BANK1: variants seen among roughly 807,000 people sequenced by gnomAD.
BANK1 encodes the protein B-cell scaffold protein with ankyrin repeats.
A neutral mutation model predicts 94.5 loss-of-function variants in BANK1; 95 were observed. That is an observed-to-expected ratio of 1.00 (90% CI 0.85 to 1.19). The LOEUF is 1.19. BANK1 is among the 50% of genes most tolerant of loss of function. The probability of loss-of-function intolerance (pLI) is 0.00; values close to 1 mark genes in which losing one functional copy is unlikely to be tolerated. For synonymous variants in BANK1, 334 were observed against 308.4 expected, an observed-to-expected ratio of 1.08 and a Z score of -0.87; for missense variants, 987 against 932.2, an observed-to-expected ratio of 1.06 and a Z score of -0.77.
intron 1 of BANK1, among the ~76,000 whole-genome samples, chr4:101,808,734 C>G (rs1725644445): frequency 6.6e-6 from 1 of 151,730 alleles, no homozygotes; most frequent in South Asian, 2.1e-4. Context: ...TATAAATAGC[C>G]AACAAACATA....
intron 6 of BANK1, 32 bp from the exon 7 acceptor site, chr4:101,917,961 A>G (rs769335475): frequency 6.8e-7 from 1 of 1,463,158 alleles, no homozygotes; most frequent in Non-Finnish European, 9.3e-7. Context: ...TAAAATGAAA[A>G]CATTAAATCC....
intron 5 of BANK1, among the ~76,000 whole-genome samples, chr4:101,872,924 G>A (rs183657031): frequency 4.0e-5 from 6 of 151,416 alleles, no homozygotes; most frequent in Non-Finnish European, 8.8e-5. Context: ...GGAGGTAGAG[G>A]TTGCAATGAG....
chr4:101,830,546 C>T (rs1726577217), intron 2 of BANK1, among the ~76,000 whole-genome samples: 1 of 152,098 alleles, frequency 6.6e-6, no homozygotes, highest in Admixed American at 6.5e-5. Context: ...ACTGGTGAGG[C>T]ATGAGTTAAT....
chr4:101,853,936 A>G (rs974693863), intron 2 of BANK1, among the ~76,000 whole-genome samples: 1 of 152,116 alleles, frequency 6.6e-6, no homozygotes, highest in Non-Finnish European at 1.5e-5. Context: ...TTTTGTCTAG[A>G]TTCTGACATG....
chr4:101,807,349 G>A (rs1725589715), intron 1 of BANK1, among the ~76,000 whole-genome samples: 1 of 152,106 alleles, frequency 6.6e-6, no homozygotes, highest in African/African-American at 2.4e-5. Context: ...CATACAGATT[G>A]AAAATAAAAT....
Position 101,886,150 on chromosome 4 carries a change from G to C in BANK1, c.904-9155G>C, listed in dbSNP as rs889300840. ...TTTTATCTCCAGGACCAAGGGTACT[G>C]TAAGACACATGGCTGCTCAATAAAT... On this transcript the variant is annotated intron_variant, in intron 5 of 16. Coordinates refer to ENST00000322953, the MANE Select transcript of BANK1 (RefSeq NM_017935.5). Among the ~76,000 whole-genome samples, 3 of 152,222 alleles carry C rather than the reference G, an allele frequency of 2.0e-5. No individual in the cohort carries two copies. In the South Asian group the frequency reaches 6.2e-4, roughly 32 times the overall value.
chr4:101,852,503 TACAC>T (rs77031530), intron 2 of BANK1, among the ~76,000 whole-genome samples: 6,427 of 79,514 alleles, frequency 0.081, 208 homozygotes, highest in African/African-American at 0.1. Flanking sequence ...TATATATATA[TACAC>T]ACACACATAT....
At chr4:102,030,426 C>G (rs993951150) in intron 10 of BANK1, among the ~76,000 whole-genome samples, 161 bp downstream of exon 10, 3 of 151,590 alleles carry the variant, frequency 2.0e-5, no homozygotes, top group Admixed American at 2.0e-4. Flanking sequence ...TTTTTTTCCA[C>G]TAAGAGTATT....
At chr4:101,972,638 T>C (rs1724994742) in intron 7 of BANK1, 1 of 152,076 alleles carries the variant, frequency 6.6e-6, no homozygotes, top group Non-Finnish European at 1.5e-5. Context: ...TAGCAGTCAG[T>C]AGTATTCCTG....
intron 1 of BANK1, among the ~76,000 whole-genome samples, chr4:101,825,216 T>G (rs1726318021): frequency 6.6e-6 from 1 of 152,142 alleles, no homozygotes; most frequent in Admixed American, 6.5e-5. Context: ...TATATTTCTG[T>G]GCTTCAAGTT....
At chr4:101,892,217 G>C (rs1280560974) in intron 5 of BANK1, among the ~76,000 whole-genome samples, 1 of 150,366 alleles carries the variant, frequency 6.7e-6, no homozygotes, top group East Asian at 1.9e-4. Flanking sequence ...ATATTTTCTA[G>C]TTAGGAAGAA....
chr4:101,841,908 G>C (rs1253046733), intron 2 of BANK1, among the ~76,000 whole-genome samples: 3 of 151,266 alleles, frequency 2.0e-5, no homozygotes, highest in Admixed American at 2.0e-4. Context: ...TAATTACACA[G>C]AATTGTTCAA....
intron 2 of BANK1, among the ~76,000 whole-genome samples, chr4:101,835,950 T>G (rs1316994132): frequency 6.6e-6 from 1 of 152,190 alleles, no homozygotes; most frequent in Non-Finnish European, 1.5e-5. Context: ...ATCTGGAGTA[T>G]CCTTCCACAT....
rs750073045 is a variant in BANK1, at chr4:102,029,983, GA to G, written c.1621del (p.Arg541GlufsTer50). On this transcript the variant is annotated frameshift_variant, in exon 10 of 17. Transcript: ENST00000322953. LOFTEE classifies it high-confidence loss of function. The stretch of plus-strand genomic sequence containing the variant: ...AGGGACAATGGTGGAAGGCCAAATG[GA>G]AAGAAGTCAAAACTGGGGTCATCCT... ...LPGTMVEGQM[E>X]RSQNWGHPGV... 1.7e-5 allele frequency: 28 copies of G among 1,608,028 alleles called. No individual in the cohort carries two copies. The highest frequency in any genetic ancestry group is 2.7e-5 in the African/African-American group (2 of 74,350).
chr4:101,982,232 T>C (rs1236101124), intron 7 of BANK1, among the ~76,000 whole-genome samples: 1 of 151,632 alleles, frequency 6.6e-6, no homozygotes, highest in African/African-American at 2.4e-5. Context: ...TTAACAATAT[T>C]TTAAATATTT....
intron 13 of BANK1, among the ~76,000 whole-genome samples, chr4:102,070,153 G>A (rs1024768147): frequency 2.0e-5 from 3 of 152,264 alleles, no homozygotes; most frequent in Non-Finnish European, 4.4e-5. Flanking sequence ...CTTTAGAGCA[G>A]GAAGGAAAGA....
intron 11 of BANK1, among the ~76,000 whole-genome samples, chr4:102,049,528 A>G (rs1374488829): frequency 6.6e-6 from 1 of 152,134 alleles, no homozygotes; most frequent in Admixed American, 6.5e-5. Context: ...CCTCAGCCAT[A>G]TAGTCAAATG....
intron 7 of BANK1, among the ~76,000 whole-genome samples, chr4:101,953,653 A>G (rs1045399281): frequency 3.9e-5 from 6 of 152,012 alleles, no homozygotes; most frequent in African/African-American, 1.4e-4. Flanking sequence ...CACTTCACTG[A>G]TAGTTCAATT....
chr4:101,925,567 A>G (rs1201083083), intron 7 of BANK1, among the ~76,000 whole-genome samples: 2 of 151,808 alleles, frequency 1.3e-5, no homozygotes, highest in African/African-American at 4.8e-5. Flanking sequence ...ATCATTAAAT[A>G]ATTTTTTAAA....
Sources: allele counts gnomAD v4.1 joint callset (sites outside exome capture counted in the v4.1 genomes callset), GRCh38; gene constraint gnomAD v4.1.1; transcripts MANE v1.5; gene names NCBI Gene and HGNC (gene_info 2026-07-23, HGNC 2026-07-21).